The following PAM variants were observed in gnomAD, a reference collection of about 807,000 sequenced individuals.
PAM encodes peptidyl-glycine alpha-amidating monooxygenase.
In PAM, 72 loss-of-function variants were observed where a neutral mutation model predicts 122.1. The observed-to-expected ratio is 0.59, with a 90% CI of 0.49 to 0.72. The LOEUF (loss-of-function observed/expected upper bound fraction) is 0.72. Among genes scored for constraint, PAM ranks in the 30% least tolerant of loss-of-function variants. The pLI is 0.00. For missense variants in PAM, 1,106 were observed against 1,183.7 expected, an observed-to-expected ratio of 0.93 and a Z score of 0.96; for synonymous variants, 389 against 404.4, an observed-to-expected ratio of 0.96 and a Z score of 0.46.
intron 1 of PAM, among the ~76,000 whole-genome samples, chr5:102,787,246 TA>T (rs759865371): frequency 3.3e-5 from 5 of 152,076 alleles, no homozygotes; most frequent in Non-Finnish European, 7.4e-5. Context: ...TAGTTCTTGG[TA>T]TTTGCATCTC....
At chr5:102,800,333 CTG>C (rs1377574033) in intron 1 of PAM, among the ~76,000 whole-genome samples, 1 of 152,158 alleles carries the variant, frequency 6.6e-6, no homozygotes, top group Non-Finnish European at 1.5e-5. Flanking sequence ...TCCAGTCACT[CTG>C]TGGTATGGTT....
At chr5:102,754,878 G>C (rs1313040769), upstream of PAM, 1 of 152,298 alleles carries the variant, frequency 6.6e-6, no homozygotes, top group Non-Finnish European at 1.5e-5. Flanking sequence ...CTTTCAGGCC[G>C]GGCCTTCACT....
intron 3 of PAM, among the ~76,000 whole-genome samples, chr5:102,877,114 C>T (rs900069703): frequency 6.6e-6 from 1 of 152,206 alleles, no homozygotes; most frequent in African/African-American, 2.4e-5. Context: ...AGGCAAGATA[C>T]TTAAACTATA....
intron 1 of PAM, among the ~76,000 whole-genome samples, chr5:102,782,026 A>G (rs1045201706): frequency 6.6e-6 from 1 of 152,214 alleles, no homozygotes; most frequent in Non-Finnish European, 1.5e-5. Flanking sequence ...GTTCTTGTCC[A>G]CTACTTACTC....
intron 14 of PAM, among the ~76,000 whole-genome samples, chr5:102,962,120 CT>C (rs978046156): frequency 2.6e-5 from 4 of 151,784 alleles, no homozygotes; most frequent in Non-Finnish European, 1.5e-5. Flanking sequence ...AAAAATATCA[CT>C]CTTGTATGAA....
intron 1 of PAM, among the ~76,000 whole-genome samples, chr5:102,853,211 A>G (rs1781755739): frequency 1.3e-5 from 2 of 152,238 alleles, no homozygotes; most frequent in South Asian, 4.1e-4. Context: ...TAATCCTGAC[A>G]TAACATTGAT....
chr5:102,860,555 G>A (rs1783890698), intron 1 of PAM, among the ~76,000 whole-genome samples: 1 of 151,822 alleles, frequency 6.6e-6, no homozygotes, highest in African/African-American at 2.4e-5. Context: ...GTGTAGTGGT[G>A]CATACCTGTG....
chr5:102,996,283 C>G (rs1306588400), intron 16 of PAM, among the ~76,000 whole-genome samples: 4 of 152,150 alleles, frequency 2.6e-5, no homozygotes, highest in South Asian at 2.1e-4. Flanking sequence ...CAAAAGTGCT[C>G]CAGGCACTGT....
Position 103,019,848 on chromosome 5 carries a change from G to C in PAM, c.2485+5G>C. 2 of 1,583,522 alleles carry C rather than the reference G, an allele frequency of 1.3e-6. No individual in the cohort carries two copies. Among genetic ancestry groups the C allele is most frequent in the Non-Finnish European group, 1.7e-6 (2 of 1,152,312 alleles). ...TTGAGGTCCAGGAAATCAAAGGTTG[G>C]TCAGATTCCTCTTATTACTATAAAA... On this transcript the variant is annotated splice_donor_5th_base_variant and intron_variant, in intron 23 of 25. Transcript: ENST00000438793.
chr5:102,765,123 T>C (rs760503516), intron 1 of PAM, among the ~76,000 whole-genome samples: 1 of 152,228 alleles, frequency 6.6e-6, no homozygotes, highest in Non-Finnish European at 1.5e-5. Context: ...CTATGTGATG[T>C]TATTTTTGTC....
intron 1 of PAM, among the ~76,000 whole-genome samples, chr5:102,834,214 C>T (rs540769537): frequency 6.6e-5 from 10 of 152,206 alleles, no homozygotes; most frequent in South Asian, 6.2e-4. Flanking sequence ...TTTTGTTCCT[C>T]ATTATGAGTG....
intron 16 of PAM, among the ~76,000 whole-genome samples, chr5:102,993,791 C>T (rs1774877917): frequency 6.6e-6 from 1 of 152,052 alleles, no homozygotes; most frequent in African/African-American, 2.4e-5. Context: ...CATTGTCATC[C>T]TAATGTCACA....
chr5:102,809,509 A>T (rs529627762), intron 1 of PAM, among the ~76,000 whole-genome samples: 6 of 152,364 alleles, frequency 3.9e-5, no homozygotes, highest in African/African-American at 1.4e-4. Context: ...CCATTTCTTT[A>T]TATAGTTGAA....
chr5:102,894,424 G>A (rs759296968), intron 3 of PAM, among the ~76,000 whole-genome samples: 1 of 151,620 alleles, frequency 6.6e-6, no homozygotes, highest in Non-Finnish European at 1.5e-5. Context: ...TCCAAGGCAT[G>A]TGGCTACCCT....
chr5:102,892,645 T>C (rs1795068665), intron 3 of PAM, among the ~76,000 whole-genome samples: 1 of 151,890 alleles, frequency 6.6e-6, no homozygotes, highest in South Asian at 2.1e-4. Flanking sequence ...TTAAAAATCA[T>C]TGTACCAATT....
At chr5:102,999,752 C>T (rs1217303807) in intron 16 of PAM, among the ~76,000 whole-genome samples, 5 of 152,192 alleles carry the variant, frequency 3.3e-5, no homozygotes, top group African/African-American at 4.8e-5. Flanking sequence ...AGCCAAGGCC[C>T]AAGCTATACC....
In PAM at chr5:102,946,898, A is replaced by AT. The variant is rs1355262917; in HGVS notation, c.575+18dup. On this transcript the variant is annotated intron_variant, in intron 8 of 25. Transcript: ENST00000438793. The stretch of plus-strand genomic sequence containing the variant: ...TCACACGTCTGCCGTAAGTACTTCC[A>AT]TTTTTCCTAGAGGAGCAGCAACTTT... The AT allele has an allele frequency of 5.7e-5, 89 of 1,573,592 alleles. No homozygotes were observed. The highest frequency in any genetic ancestry group is 7.4e-5 in the Non-Finnish European group (85 of 1,144,490).
At chr5:102,890,712 C>T (rs1214083685) in intron 3 of PAM, among the ~76,000 whole-genome samples, 1 of 151,760 alleles carries the variant, frequency 6.6e-6, no homozygotes, top group Non-Finnish European at 1.5e-5. Flanking sequence ...GAAAATAAAG[C>T]CGATTTTAAA....
intron 22 of PAM, among the ~76,000 whole-genome samples, chr5:103,019,067 C>CGGGATTT: frequency 6.6e-6 from 1 of 152,110 alleles, no homozygotes; most frequent in Non-Finnish European, 1.5e-5. Flanking sequence ...GGCCATGGCC[C>CGGGATTT]GGGATTTGGG....
Sources: gnomAD v4.1 joint callset for allele counts (sites outside exome capture counted in the v4.1 genomes callset) on GRCh38, gnomAD v4.1.1 for gene constraint, MANE v1.5 for transcripts, NCBI Gene and HGNC (gene_info 2026-07-23, HGNC 2026-07-21) for gene names.